The following NBAS variants were observed in gnomAD, a reference collection of about 807,000 sequenced individuals.
NBAS encodes NBAS subunit of NRZ tethering complex.
A neutral mutation model predicts 302.5 loss-of-function variants in NBAS; 219 were observed. That is an observed-to-expected ratio of 0.72 (90% confidence interval 0.65 to 0.81). The LOEUF (loss-of-function observed/expected upper bound fraction) is 0.81. Among genes scored for constraint, NBAS ranks in the 30% least tolerant of loss-of-function variants. The probability of loss-of-function intolerance (pLI) is 0.00; values close to 1 mark genes in which losing one functional copy is unlikely to be tolerated. For synonymous variants in NBAS, 1,118 were observed against 1,021.6 expected, an observed-to-expected ratio of 1.09 and a Z score of -1.80; for missense variants, 2,932 against 2,841.6, an observed-to-expected ratio of 1.03 and a Z score of -0.72.
At chr2:14,936,677 C>T in the NBAS span, among the ~76,000 whole-genome samples, 115 of 152,280 alleles carry the variant, frequency 7.6e-4, no homozygotes, top group Admixed American at 1.7e-3. Context: ...TTGTCAAGGG[C>T]ATCTGGGGAG....
At chr2:14,929,933 TAGTG>T in the NBAS span, among the ~76,000 whole-genome samples, 1 of 152,146 alleles carries the variant, frequency 6.6e-6, no homozygotes, top group Non-Finnish European at 1.5e-5. Context: ...GTTCTTGTGA[TAGTG>T]AGTTATCACA....
intron 44 of NBAS, among the ~76,000 whole-genome samples, chr2:15,267,249 T>C (rs954527853): frequency 9.2e-5 from 14 of 152,224 alleles, no homozygotes; most frequent in Non-Finnish European, 1.9e-4. Context: ...GCCATGGCAA[T>C]CTTTTATTTG....
At chr2:15,346,742 G>A (rs1050387700) in intron 35 of NBAS, among the ~76,000 whole-genome samples, 3 of 152,140 alleles carry the variant, frequency 2.0e-5, no homozygotes, top group Non-Finnish European at 4.4e-5. Context: ...GCAAAGCCAT[G>A]GAACCAACCC....
At chr2:15,041,004 A>G in the NBAS span, among the ~76,000 whole-genome samples, 1 of 152,204 alleles carries the variant, frequency 6.6e-6, no homozygotes, top group African/African-American at 2.4e-5. Flanking sequence ...TAACCTACAC[A>G]TCACTGGCAG....
At chr2:15,107,980 T>A in the NBAS span, among the ~76,000 whole-genome samples, 5 of 152,098 alleles carry the variant, frequency 3.3e-5, 1 homozygote, top group Admixed American at 3.3e-4. Context: ...CAGCATAATG[T>A]TTCTGAGGGT....
At chr2:15,195,866 A>T (rs1345270949) in intron 48 of NBAS, among the ~76,000 whole-genome samples, 1 of 152,200 alleles carries the variant, frequency 6.6e-6, no homozygotes, top group African/African-American at 2.4e-5. Flanking sequence ...GCATGCGTAC[A>T]ACTCTAGTAA....
the NBAS span, among the ~76,000 whole-genome samples, chr2:15,125,966 G>A: frequency 1.3e-5 from 2 of 152,188 alleles, no homozygotes; most frequent in Non-Finnish European, 2.9e-5. Context: ...AGATTTGGGG[G>A]ACTGGGGCAG....
chr2:14,988,973 G>A, the NBAS span, among the ~76,000 whole-genome samples: 1 of 152,004 alleles, frequency 6.6e-6, no homozygotes, highest in African/African-American at 2.4e-5. Flanking sequence ...AAGGAATAAG[G>A]CCACATGCAC....
At chr2:15,234,433 T>C (rs1667503007) in intron 46 of NBAS, 112 bp downstream of exon 46, 3 of 1,092,780 alleles carry the variant, frequency 2.7e-6, no homozygotes, top group Admixed American at 1.9e-5. Context: ...CTCTCACTTT[T>C]GTAAAGTCCT....
At chr2:14,877,100 G>C in the NBAS span, among the ~76,000 whole-genome samples, 2 of 152,190 alleles carry the variant, frequency 1.3e-5, no homozygotes, top group African/African-American at 4.8e-5. Flanking sequence ...TTTCAGGCTT[G>C]TACATAGTGT....
At chr2:15,541,916 C>A (rs1422131691) in intron 6 of NBAS, among the ~76,000 whole-genome samples, 2 of 62,268 alleles carry the variant, frequency 3.2e-5, no homozygotes, top group African/African-American at 1.2e-4. Flanking sequence ...GGGGGTTCAG[C>A]CCCCCGCCCG....
At chr2:15,075,034 T>C in the NBAS span, among the ~76,000 whole-genome samples, 1 of 152,178 alleles carries the variant, frequency 6.6e-6, no homozygotes, top group African/African-American at 2.4e-5. Flanking sequence ...CACACACTCT[T>C]CAAATCGGCA....
At chr2:14,918,069 G>C in the NBAS span, among the ~76,000 whole-genome samples, 1 of 152,094 alleles carries the variant, frequency 6.6e-6, no homozygotes, top group African/African-American at 2.4e-5. Flanking sequence ...TCCAGTCTTT[G>C]TGAGCTTGTG....
At chr2:14,868,838 C>T in the NBAS span, among the ~76,000 whole-genome samples, 2 of 152,168 alleles carry the variant, frequency 1.3e-5, no homozygotes, top group Non-Finnish European at 2.9e-5. Flanking sequence ...GACACTTTGC[C>T]TTACAGCAGA....
the NBAS span, among the ~76,000 whole-genome samples, chr2:14,827,056 C>T: frequency 6.6e-6 from 1 of 152,228 alleles, no homozygotes; most frequent in Non-Finnish European, 1.5e-5. Flanking sequence ...TGAGAAAAGA[C>T]CAGAGGTAAG....
rs916500494 is a variant in NBAS, at chr2:15,353,433, G to T, written c.4089+120C>A. The T allele has an allele frequency of 7.2e-6, 9 of 1,244,130 alleles. No individual in the cohort carries two copies. The African/African-American group carries it at 1.2e-4, about 16-fold the overall frequency. The allele number at this position is 1,244,130 out of a possible 1,614,324, so 77.1% of individuals were successfully genotyped here. ...TCCCTTTTCCATAAGTGACAATCTA[G>T]TTTTCTTCCATAAATTAAAATTCTC... On this transcript the variant is annotated intron_variant, in intron 34 of 51. Transcript: ENST00000281513.
At chr2:15,038,004 A>G in the NBAS span, among the ~76,000 whole-genome samples, 3 of 151,938 alleles carry the variant, frequency 2.0e-5, no homozygotes, top group Non-Finnish European at 2.9e-5. Flanking sequence ...ACTTCACAAA[A>G]TACAAGTATT....
At chr2:15,252,178 T>C (rs1027800596) in intron 44 of NBAS, among the ~76,000 whole-genome samples, 1 of 152,222 alleles carries the variant, frequency 6.6e-6, no homozygotes, top group African/African-American at 2.4e-5. Context: ...CTGTGAAATC[T>C]TGCTAAGCAG....
the NBAS span, among the ~76,000 whole-genome samples, chr2:15,098,052 AT>A: frequency 0.047 from 122 of 2,622 alleles, 56 homozygotes; most frequent in East Asian, 0.071. Flanking sequence ...TATATAATAT[AT>A]TATATTGTAT....
Sources: gnomAD v4.1 joint callset for allele counts (sites outside exome capture counted in the v4.1 genomes callset) on GRCh38, gnomAD v4.1.1 for gene constraint, MANE v1.5 for transcripts, NCBI Gene and HGNC (gene_info 2026-07-23, HGNC 2026-07-21) for gene names.